Variants in UGT1A9 observed in about 807,000 individuals in gnomAD.
The protein encoded by UGT1A9 is UDP glucuronosyltransferase family 1 member A9, also known as UDP-glucuronosyltransferase 1A9.
A neutral mutation model predicts 45.0 loss-of-function variants in UGT1A9; 35 were observed. The observed-to-expected ratio is 0.78, with a 90% confidence interval of 0.59 to 1.03. The LOEUF (loss-of-function observed/expected upper bound fraction) is 1.03, where lower values mean the gene tolerates loss of function less well. Among genes scored for constraint, UGT1A9 ranks in the 50% least tolerant of loss-of-function variants. The pLI is 0.00. For missense variants in UGT1A9, 687 were observed against 666.6 expected (o/e 1.03, Z -0.34); for synonymous variants, 278 against 250.6 (o/e 1.11, Z -1.03).
At chr2:233,680,011 T>TTC (rs892879074) in intron 1 of UGT1A9, among the ~76,000 whole-genome samples, 1 of 152,052 alleles carries the variant, frequency 6.6e-6, no homozygotes, top group Non-Finnish European at 1.5e-5. Flanking sequence ...TTTTCTTTCT[T>TTC]TCTCTCTCTC....
intron 1 of UGT1A9, among the ~76,000 whole-genome samples, chr2:233,766,396 G>A (rs1050069085): frequency 2.0e-5 from 3 of 152,150 alleles, no homozygotes; most frequent in East Asian, 3.9e-4. Context: ...CTGTCCTTGC[G>A]TCCCTCCGCT....
intron 1 of UGT1A9, chr2:233,691,521 A>G (rs965532552): frequency 1.0e-6 from 1 of 985,728 alleles, no homozygotes; most frequent in Non-Finnish European, 1.2e-6. Flanking sequence ...CCAGGTGTGC[A>G]TGACTAGCTC....
At chr2:233,757,267 A>G (rs1696460945) in intron 1 of UGT1A9, among the ~76,000 whole-genome samples, 1 of 121,202 alleles carries the variant, frequency 8.3e-6, no homozygotes, top group Admixed American at 1.0e-4. Flanking sequence ...GTGGCAGCCG[A>G]TGCAATGATT....
At chr2:233,692,438 A>C (rs1311287239) in intron 1 of UGT1A9, 1 of 155,598 alleles carries the variant, frequency 6.4e-6, no homozygotes, top group Admixed American at 6.2e-5. Context: ...AGTTGTGGGT[A>C]ACCTGGGGAC....
Position 233,693,342 on chromosome 2 carries a change from G to A in UGT1A9, c.855+20553G>A, listed in dbSNP as rs747683598. 3.1e-6 allele frequency: 5 copies of A among 1,614,134 alleles called. No homozygotes were observed. The South Asian group carries it at 5.5e-5, about 18-fold the overall frequency. On this transcript the variant is annotated intron_variant, in intron 1 of 4. Coordinates refer to ENST00000354728, the MANE Select transcript of UGT1A9 (RefSeq NM_021027.3). ...CTAACTGCTCCTCAGACAGAGTACA[G>A]GAATAACATGATTGTTATTGGCCTG...
chr2:233,762,716 G>A (rs1165030295), intron 1 of UGT1A9, among the ~76,000 whole-genome samples: 4 of 149,682 alleles, frequency 2.7e-5, no homozygotes, highest in African/African-American at 7.3e-5. Flanking sequence ...TATTTTACAC[G>A]GTTTTTTTTT....
intron 1 of UGT1A9, among the ~76,000 whole-genome samples, chr2:233,724,360 G>T (rs1455285943): frequency 2.7e-5 from 4 of 146,576 alleles, no homozygotes; most frequent in Non-Finnish European, 4.5e-5. Context: ...CCTCCCTCCC[G>T]GACGGGGTGG....
intron 1 of UGT1A9, among the ~76,000 whole-genome samples, chr2:233,675,056 C>T (rs1168181814): frequency 2.6e-5 from 4 of 152,070 alleles, no homozygotes; most frequent in Admixed American, 2.0e-4. Context: ...TGTGTATGTG[C>T]AGGTGTGTTT....
Position 233,769,697 on chromosome 2 carries a change from A to G in UGT1A9, c.1295+1258A>G. 6.5e-7 allele frequency: 1 copy of G among 1,535,580 alleles called. No individual in the cohort carries two copies. Among genetic ancestry groups the G allele is most frequent in the South Asian group, 1.2e-5 (1 of 80,726 alleles). On this transcript the variant is annotated intron_variant, in intron 4 of 4. Coordinates refer to ENST00000354728, the MANE Select transcript of UGT1A9 (RefSeq NM_021027.3). This position sits in a 1 kb window ranked among gnomAD's most constrained non-coding sequence, Gnocchi z 4.4. ...TGTGTGTGTGGTGGCACTGGATAAAAGATCAATGTTGGCTAGGCACCATGG... is the reference window on the plus strand; with the variant it reads ...TGTGTGTGTGGTGGCACTGGATAAAGGATCAATGTTGGCTAGGCACCATGG...
chr2:233,673,429 C>T (rs2074258544), intron 1 of UGT1A9, among the ~76,000 whole-genome samples: 1 of 152,044 alleles, frequency 6.6e-6, no homozygotes, highest in Admixed American at 6.6e-5. Context: ...ATGAATAGGG[C>T]CGTGTAAACA....
At chr2:233,693,101 C>A (rs1056441481) in intron 1 of UGT1A9, 1 of 1,614,084 alleles carries the variant, frequency 6.2e-7, no homozygotes, top group Non-Finnish European at 8.5e-7. Context: ...GCTGGTGGTC[C>A]CTCAGGACGG....
At chr2:233,713,377 T>C (rs866828626) in intron 1 of UGT1A9, 3 of 1,614,038 alleles carry the variant, frequency 1.9e-6, no homozygotes, top group Middle Eastern at 1.6e-4. Context: ...AGGTCTTGTG[T>C]GGAGCTACTG....
chr2:233,767,835 T>C lies in UGT1A9; in HGVS notation c.988-14T>C. Reference sequence around the variant, plus strand: ...TGTTCTTTCTTTACGTTCTGCTCTTTTTGCCCCTCCCAGGTCCTGTGGCGG... The same window carrying C: ...TGTTCTTTCTTTACGTTCTGCTCTTCTTGCCCCTCCCAGGTCCTGTGGCGG... On this transcript the variant is annotated splice_polypyrimidine_tract_variant and intron_variant, in intron 2 of 4. Coordinates refer to ENST00000354728, the MANE Select transcript of UGT1A9 (RefSeq NM_021027.3). 1.9e-6 allele frequency: 3 copies of C among 1,614,192 alleles called. No homozygotes were observed. Among genetic ancestry groups the C allele is most frequent in the Non-Finnish European group, 2.5e-6 (3 of 1,180,034 alleles).
At chr2:233,720,570 T>C (rs1325667267) in intron 1 of UGT1A9, among the ~76,000 whole-genome samples, 1 of 152,076 alleles carries the variant, frequency 6.6e-6, no homozygotes, top group Non-Finnish European at 1.5e-5. Flanking sequence ...GGATCTATTC[T>C]TTTTCCAAAA....
At chr2:233,759,853 T>C (rs938114684) in intron 1 of UGT1A9, among the ~76,000 whole-genome samples, 15 of 152,176 alleles carry the variant, frequency 9.9e-5, no homozygotes, top group African/African-American at 3.6e-4. Context: ...CAGGTTTCCA[T>C]GGCGAAAGCG....
intron 1 of UGT1A9, chr2:233,719,331 T>C: frequency 6.2e-7 from 1 of 1,613,868 alleles, no homozygotes; most frequent in Non-Finnish European, 8.5e-7. Flanking sequence ...TCCTGCTGTG[T>C]TTTTTTGGAG....
intron 1 of UGT1A9, among the ~76,000 whole-genome samples, chr2:233,675,421 T>C (rs769866030): frequency 2.2e-4 from 34 of 152,220 alleles, no homozygotes; most frequent in Non-Finnish European, 4.6e-4. Flanking sequence ...ACAGAATTAA[T>C]GACTGGTTTT....
In UGT1A9 at chr2:233,695,464, G is replaced by A. The variant is rs575378688; in HGVS notation, c.855+22675G>A. 2.6e-5 allele frequency among the ~76,000 whole-genome samples: 4 copies of A among 151,306 alleles called. No homozygotes were observed. The East Asian group carries it at 7.8e-4, about 29-fold the overall frequency. Reference sequence around the variant, plus strand: ...TTTTTTTGATCAACGTGCTTTATTGGCCCTTTAGATGTTTTTCTCTTTTCT... The same window carrying A: ...TTTTTTTGATCAACGTGCTTTATTGACCCTTTAGATGTTTTTCTCTTTTCT... On this transcript the variant is annotated intron_variant, in intron 1 of 4. Coordinates refer to ENST00000354728, the MANE Select transcript of UGT1A9 (RefSeq NM_021027.3).
chr2:233,718,680 G>A (rs2076674900), intron 1 of UGT1A9: 2 of 1,570,166 alleles, frequency 1.3e-6, no homozygotes, highest in Non-Finnish European at 1.7e-6. Flanking sequence ...TGGGTAATAA[G>A]TAACTGGAGG....
Sources: allele counts gnomAD v4.1 joint callset (sites outside exome capture counted in the v4.1 genomes callset), GRCh38; gene constraint gnomAD v4.1.1; non-coding constraint Gnocchi (gnomAD v3.1); transcripts MANE v1.5; gene names NCBI Gene and HGNC (gene_info 2026-07-23, HGNC 2026-07-21).